ZNF700: variants seen among roughly 807,000 people sequenced by gnomAD.
ZNF700 encodes zinc finger protein 700.
ZNF700 carries 38 observed loss-of-function variants against 65.3 expected under a neutral mutation model. The observed-to-expected ratio is 0.58, with a 90% CI of 0.45 to 0.76. ZNF700 has a LOEUF of 0.76. Among genes scored for constraint, ZNF700 ranks in the 30% least tolerant of loss-of-function variants. ZNF700 has a pLI of 0.00. For synonymous variants in ZNF700, 285 were observed against 290.4 expected (o/e 0.98, Z 0.19); for missense variants, 857 against 888.4 (o/e 0.96, Z 0.45).
chr19:11,936,469 G>A (rs1972797785), intron 1 of ZNF700, among the ~76,000 whole-genome samples: 1 of 152,130 alleles, frequency 6.6e-6, no homozygotes, highest in South Asian at 2.1e-4. Context: ...TGTGTCTGTT[G>A]GCTGCATAAA....
At chr19:11,931,245 C>G (rs1308904910) in intron 1 of ZNF700, among the ~76,000 whole-genome samples, 1 of 147,966 alleles carries the variant, frequency 6.8e-6, no homozygotes, top group Admixed American at 6.6e-5. Context: ...TGAAGTCCAT[C>G]TTCAGAGAGC....
intron 2 of ZNF700, 24 bp downstream of exon 2, chr19:11,947,331 G>A (rs376031736): frequency 7.7e-5 from 125 of 1,613,130 alleles, no homozygotes; most frequent in African/African-American, 4.5e-4. Flanking sequence ...TATTCCTTCC[G>A]TCAGTGCATT....
At chr19:11,935,784 T>C (rs1972786143) in intron 1 of ZNF700, among the ~76,000 whole-genome samples, 1 of 152,230 alleles carries the variant, frequency 6.6e-6, no homozygotes, top group African/African-American at 2.4e-5. Flanking sequence ...GTATAACATG[T>C]GCCGTGTTGG....
intron 1 of ZNF700, among the ~76,000 whole-genome samples, chr19:11,941,768 T>C (rs965502971): frequency 2.0e-5 from 3 of 152,316 alleles, no homozygotes; most frequent in Admixed American, 1.3e-4. Flanking sequence ...GCTGAAGGGC[T>C]CCTCAAGTGC....
rs747903609 is a variant in ZNF700, at chr19:11,950,080, A to T, written c.2056A>T (p.Thr686Ser). The T allele has an allele frequency of 3.8e-5, 61 of 1,614,118 alleles. No individual in the cohort carries two copies. Among genetic ancestry groups the T allele is most frequent in the Non-Finnish European group, 5.0e-5 (59 of 1,180,044 alleles). Residue 686 changes from threonine (T) to serine (S), a missense_variant, in exon 4 of 4, where the codon ACA becomes TCA. Coordinates refer to ENST00000254321, the MANE Select transcript of ZNF700 (RefSeq NM_144566.3). ...YECKHCGNGFTSAKILQIHAR... is the reference protein window; with the variant it reads ...YECKHCGNGFSSAKILQIHAR... ...ATGTAAGCATTGTGGGAATGGATTC[A>T]CATCTGCCAAGATTCTTCAAATACA...
chr19:11,950,191 G>A lies in ZNF700; in HGVS notation c.2167G>A (p.Ala723Thr), dbSNP rs1392256665. Residue 723 changes from alanine (A) to threonine (T), a missense_variant, in exon 4 of 4, where the codon GCA becomes ACA. By Grantham distance (58) the Ala-to-Thr change is moderately conservative. This residue lies in a region of ZNF700 where 251 missense variants were observed against 250.3 expected (regional missense o/e 1.00). Transcript: ENST00000254321. ...TTATTTTTCTTCCTTGCATATACAC[G>A]CAAGGACTCATATGGGAGAGAAGCC... Reference protein sequence around the residue: ...FNYFSSLHIHARTHMGEKPYE... With the variant: ...FNYFSSLHIHTRTHMGEKPYE... The A allele has an allele frequency of 1.3e-5, 21 of 1,613,638 alleles. No individual in the cohort carries two copies. Among genetic ancestry groups the A allele is most frequent in the Non-Finnish European group, 1.6e-5 (19 of 1,179,930 alleles).
At position 11,948,752 on chromosome 19, in the gene ZNF700, C is replaced by T. The variant is rs1323325534; in HGVS notation, c.728C>T (p.Thr243Ile). 2.5e-6 allele frequency: 4 copies of T among 1,611,904 alleles called. No homozygotes were observed. The highest frequency in any genetic ancestry group is 1.1e-5 in the South Asian group (1 of 90,628). ...SFSLYLIHER[T>I]HTGEKPYECK... ...AGTTTATATCTTATCCATGAAAGAA[C>T]TCACACTGGAGAGAAACCATATGAA... The change falls in exon 4 of 4, where the codon ACT becomes ATT. Residue 243 changes from threonine to isoleucine, a missense_variant. By Grantham distance (89) the Thr-to-Ile change is moderately conservative. Around this residue, in one of 3 missense-constraint regions of ZNF700, gnomAD observed 603 missense variants for 619.9 expected, o/e 0.97. Coordinates refer to ENST00000254321, the MANE Select transcript of ZNF700 (RefSeq NM_144566.3).
intron 1 of ZNF700, among the ~76,000 whole-genome samples, chr19:11,941,326 C>A (rs1000541068): frequency 2.0e-5 from 3 of 152,250 alleles, no homozygotes; most frequent in African/African-American, 7.2e-5. Context: ...GTTGATGGGA[C>A]TGGGTGCTGT....
intron 1 of ZNF700, among the ~76,000 whole-genome samples, chr19:11,939,536 A>C (rs1035777505): frequency 3.2e-4 from 49 of 152,168 alleles, no homozygotes; most frequent in Non-Finnish European, 5.1e-4. Flanking sequence ...AGATGGTTGT[A>C]TATGTGTGGT....
chr19:11,947,673 C>G (rs1285143743), intron 3 of ZNF700, 99 bp downstream of exon 3: 3 of 1,154,230 alleles, frequency 2.6e-6, no homozygotes, highest in Non-Finnish European at 3.8e-6. Flanking sequence ...AATCCAGCAT[C>G]AAATTCATTT....
Position 11,942,806 on chromosome 19 carries a change from G to A in ZNF700, c.64-4375G>A, listed in dbSNP as rs188488359. 1.4e-4 allele frequency among the ~76,000 whole-genome samples: 21 copies of A among 152,254 alleles called. No homozygotes were observed. In the East Asian group the frequency reaches 3.5e-3, roughly 25 times the overall value. On this transcript the variant is annotated intron_variant, in intron 1 of 3. Coordinates refer to ENST00000254321, the MANE Select transcript of ZNF700 (RefSeq NM_144566.3). ...ACTACCAGGCCTGGGGTGTGGCACC[G>A]GGCTGTCTGACTATTGATCTCATTT...
intron 1 of ZNF700, among the ~76,000 whole-genome samples, chr19:11,933,486 G>C (rs1301857417): frequency 2.0e-5 from 3 of 147,586 alleles, no homozygotes; most frequent in Non-Finnish European, 4.4e-5. Context: ...CGTGTCACAG[G>C]CCTCAAAATC....
At chr19:11,940,136 G>C (rs1972858160) in intron 1 of ZNF700, 1 of 152,084 alleles carries the variant, frequency 6.6e-6, no homozygotes, top group Non-Finnish European at 1.5e-5. Context: ...TCTCCATGTT[G>C]GTCAGACTGG....
chr19:11,934,590 A>G (rs1208881405), intron 1 of ZNF700, among the ~76,000 whole-genome samples: 1 of 147,432 alleles, frequency 6.8e-6, no homozygotes, highest in Non-Finnish European at 1.5e-5. Flanking sequence ...GCAATGGCGC[A>G]ATCTCAGCTC....
In ZNF700 at chr19:11,950,570, G is replaced by T; in HGVS notation, c.*317G>T. 1 of 532,986 alleles carries T rather than the reference G, an allele frequency of 1.9e-6. No individual in the cohort carries two copies. Among genetic ancestry groups the T allele is most frequent in the South Asian group, 1.7e-5 (1 of 57,146 alleles). The allele number at this position is 532,986 out of a possible 1,614,324, so 33.0% of individuals were successfully genotyped here. A position where few individuals can be genotyped will look rare whatever the true frequency, so the allele number is the denominator to read the frequency against. On this transcript the variant is annotated 3_prime_UTR_variant, in exon 4 of 4. Transcript: ENST00000254321. ...GTGGGAAAGCCTTCAGATGTGCCTCGCACCTTCAACGGCATGGAAGGGTTC... is the reference window on the plus strand; with the variant it reads ...GTGGGAAAGCCTTCAGATGTGCCTCTCACCTTCAACGGCATGGAAGGGTTC...
At chr19:11,929,909 G>T (rs1435330429) in intron 1 of ZNF700, among the ~76,000 whole-genome samples, 1 of 148,252 alleles carries the variant, frequency 6.7e-6, no homozygotes, top group Non-Finnish European at 1.5e-5. Context: ...ACCTTATCAG[G>T]ATGTCTTTGG....
At chr19:11,927,519 C>A (rs1324542975) in intron 1 of ZNF700, among the ~76,000 whole-genome samples, 1 of 151,984 alleles carries the variant, frequency 6.6e-6, no homozygotes, top group Non-Finnish European at 1.5e-5. Flanking sequence ...CATCCTCATA[C>A]AGCAAGTGGA....
At chr19:11,947,492 T>C in intron 2 of ZNF700, 22 bp from the exon 3 acceptor site, 1 of 1,611,052 alleles carries the variant, frequency 6.2e-7, no homozygotes, top group Non-Finnish European at 8.5e-7. Context: ...TTCAGGACTA[T>C]TTTTCTGTGT....
intron 1 of ZNF700, among the ~76,000 whole-genome samples, chr19:11,944,743 C>T (rs779454702): frequency 2.4e-4 from 37 of 152,198 alleles, no homozygotes; most frequent in Non-Finnish European, 3.7e-4. Flanking sequence ...GTATGCCAGC[C>T]GGGACGGTTG....
Sources: gnomAD v4.1 joint callset for allele counts (sites outside exome capture counted in the v4.1 genomes callset) on GRCh38, gnomAD v4.1.1 for gene constraint, gnomAD v4.1.1 regional missense constraint, MANE v1.5 for transcripts, NCBI Gene and HGNC (gene_info 2026-07-23, HGNC 2026-07-21) for gene names.